Variants in PITPNC1 observed in about 807,000 individuals in gnomAD.
The protein encoded by PITPNC1 is cytoplasmic phosphatidylinositol transfer protein 1.
Under a neutral mutation model 44.7 loss-of-function variants are expected in PITPNC1, and 18 were observed. The observed-to-expected ratio is 0.40, with a 90% CI of 0.28 to 0.60. PITPNC1 has a LOEUF of 0.60. Ranked by LOEUF, PITPNC1 falls within the 20% of genes least tolerant of loss-of-function variation. The probability of loss-of-function intolerance (pLI) is 0.39; values close to 1 mark genes in which losing one functional copy is unlikely to be tolerated. For missense variants in PITPNC1, 290 were observed against 418.4 expected, an observed-to-expected ratio of 0.69 and a Z score of 2.68; for synonymous variants, 141 against 149.6, an observed-to-expected ratio of 0.94 and a Z score of 0.42.
At chr17:67,680,702 T>C (rs2144433790) in intron 8 of PITPNC1, among the ~76,000 whole-genome samples, 1 of 152,308 alleles carries the variant, frequency 6.6e-6, no homozygotes, top group African/African-American at 2.4e-5. Flanking sequence ...ACTGGCTACT[T>C]TCACTACAAA....
chr17:67,477,227 C>T (rs1200199677), intron 1 of PITPNC1, among the ~76,000 whole-genome samples: 1 of 148,848 alleles, frequency 6.7e-6, no homozygotes, highest in Non-Finnish European at 1.5e-5. Context: ...AGGTGTGTGC[C>T]AACACACCCA....
Position 67,605,685 on chromosome 17 carries a change from T to C in PITPNC1, c.367-26458T>C, listed in dbSNP as rs551538828. Among the ~76,000 whole-genome samples the C allele has an allele frequency of 7.2e-5, 11 of 152,230 alleles. No homozygotes were observed. The South Asian group carries it at 2.3e-3, about 32-fold the overall frequency. On this transcript the variant is annotated intron_variant, in intron 5 of 8. Coordinates refer to ENST00000581322, the MANE Select transcript of PITPNC1 (RefSeq NM_012417.4). ...TAATGGACAATAAAATAATAAGTAA[T>C]GGACAGGAAGATGCTCTTAGAACCA... is the stretch of plus-strand genomic sequence containing the variant.
chr17:67,429,944 T>C (rs1242282124), intron 1 of PITPNC1, among the ~76,000 whole-genome samples: 1 of 152,208 alleles, frequency 6.6e-6, no homozygotes, highest in African/African-American at 2.4e-5. Flanking sequence ...CATTTGGCAA[T>C]GAACCTGTGC....
chr17:67,690,096 A>G (rs2042892538), intron 8 of PITPNC1, among the ~76,000 whole-genome samples: 1 of 152,240 alleles, frequency 6.6e-6, no homozygotes, highest in Non-Finnish European at 1.5e-5. Context: ...TTCCCAGGAA[A>G]TCCTCTTAAG....
chr17:67,626,261 C>G (rs887250454), intron 5 of PITPNC1, among the ~76,000 whole-genome samples: 2 of 152,154 alleles, frequency 1.3e-5, no homozygotes, highest in East Asian at 3.9e-4. Context: ...GCTGGGATTA[C>G]AGGGATGAGC....
chr17:67,604,007 T>C (rs2041576428), intron 5 of PITPNC1, among the ~76,000 whole-genome samples: 2 of 152,046 alleles, frequency 1.3e-5, no homozygotes, highest in African/African-American at 4.8e-5. Flanking sequence ...GTTTAAATTT[T>C]CACAGTGAGG....
At chr17:67,548,290 G>A (rs1421459390) in intron 2 of PITPNC1, among the ~76,000 whole-genome samples, 1 of 152,108 alleles carries the variant, frequency 6.6e-6, no homozygotes, top group Non-Finnish European at 1.5e-5. Flanking sequence ...TTATACCAAC[G>A]TTTAAAAGTA....
At position 67,439,618 on chromosome 17, in the gene PITPNC1, A is replaced by G. The variant is rs2038984061; in HGVS notation, c.48+61416A>G. Among the ~76,000 whole-genome samples the G allele has an allele frequency of 3.9e-5, 6 of 152,210 alleles. No homozygotes were observed. The South Asian group carries it at 1.2e-3, about 31-fold the overall frequency. On this transcript the variant is annotated intron_variant, in intron 1 of 8. Transcript: ENST00000581322. ...ACATTTCACTCATTCATTTATTGAA[A>G]AATGAAAAATTATATATATTTATAA...
At chr17:67,629,715 T>G (rs902985781) in intron 5 of PITPNC1, among the ~76,000 whole-genome samples, 2 of 152,238 alleles carry the variant, frequency 1.3e-5, no homozygotes, top group African/African-American at 4.8e-5. Flanking sequence ...TCACAACTTA[T>G]TTCTCCACTT....
At chr17:67,641,014 G>T (rs1457364631) in intron 6 of PITPNC1, among the ~76,000 whole-genome samples, 2 of 152,024 alleles carry the variant, frequency 1.3e-5, no homozygotes, top group Non-Finnish European at 2.9e-5. Context: ...CCCATGATCT[G>T]GTTGGGAGGA....
intron 1 of PITPNC1, among the ~76,000 whole-genome samples, chr17:67,422,171 G>T (rs1170782530): frequency 1.1e-4 from 17 of 152,120 alleles, no homozygotes; most frequent in Admixed American, 1.1e-3. Flanking sequence ...TAAAAGGAGG[G>T]GCAGAGGGAA....
chr17:67,558,972 C>T (rs1007255183), intron 4 of PITPNC1, among the ~76,000 whole-genome samples: 7 of 152,102 alleles, frequency 4.6e-5, no homozygotes, highest in Admixed American at 3.3e-4. Context: ...CAGGTGAACC[C>T]GGGTTATCTG....
At chr17:67,666,148 T>TA (rs2042419123) in intron 6 of PITPNC1, among the ~76,000 whole-genome samples, 1 of 42,280 alleles carries the variant, frequency 2.4e-5, no homozygotes, top group Non-Finnish European at 1.0e-4. Flanking sequence ...TGGCCAAGTG[T>TA]TTTTTTGTTT....
At position 67,562,539 on chromosome 17, in the gene PITPNC1, CT is replaced by C. The variant is rs372142034; in HGVS notation, c.294+8931del. 4.1e-3 allele frequency among the ~76,000 whole-genome samples: 622 copies of C among 151,698 alleles called. 7 individuals carry two copies. The highest frequency in any genetic ancestry group is 0.014 in the African/African-American group (578 of 41,374). On this transcript the variant is annotated intron_variant, in intron 4 of 8. Transcript: ENST00000581322. ...CTTTCCTCTTTCCTTGAAAAGTCTA[CT>C]TTTTTTTTCCCCACTTGAGTTCTTC...
intron 1 of PITPNC1, among the ~76,000 whole-genome samples, chr17:67,453,090 C>A (rs2039206883): frequency 6.6e-6 from 1 of 152,296 alleles, no homozygotes; most frequent in Non-Finnish European, 1.5e-5. Flanking sequence ...GCTACTCTGT[C>A]TAGCTGATTG....
intron 1 of PITPNC1, among the ~76,000 whole-genome samples, chr17:67,525,653 T>A (rs1381691144): frequency 2.6e-5 from 4 of 152,204 alleles, no homozygotes; most frequent in African/African-American, 9.6e-5. Flanking sequence ...GAGTTCTGCG[T>A]CATTTATCCT....
At chr17:67,632,376 T>A in intron 6 of PITPNC1, 138 bp downstream of exon 6, 1 of 629,972 alleles carries the variant, frequency 1.6e-6, no homozygotes. Context: ...TTGCTGGTTC[T>A]TTTTGCAAGT....
chr17:67,406,127 A>G (rs1426392332), intron 1 of PITPNC1, among the ~76,000 whole-genome samples: 3 of 152,168 alleles, frequency 2.0e-5, no homozygotes, highest in African/African-American at 7.2e-5. Flanking sequence ...ATTCAATTCT[A>G]GAATATTTTC....
chr17:67,396,230 C>T (rs1164732219), intron 1 of PITPNC1, among the ~76,000 whole-genome samples: 1 of 152,166 alleles, frequency 6.6e-6, no homozygotes, highest in Non-Finnish European at 1.5e-5. Flanking sequence ...TCAGGAAAAA[C>T]ACTTTGGAAA....
Sources: allele counts gnomAD v4.1 joint callset (sites outside exome capture counted in the v4.1 genomes callset), GRCh38; gene constraint gnomAD v4.1.1; transcripts MANE v1.5; gene names NCBI Gene and HGNC (gene_info 2026-07-23, HGNC 2026-07-21).